Variants in GLIS1 observed in about 807,000 individuals in gnomAD.
GLIS1 encodes zinc finger protein GLIS1.
A neutral mutation model predicts 63.8 loss-of-function variants in GLIS1; 24 were observed. The ratio of observed to expected loss-of-function variants is 0.38; its 90% confidence interval spans 0.27 to 0.53. The LOEUF is 0.53. Ranked by LOEUF, GLIS1 falls within the 20% of genes least tolerant of loss-of-function variation. GLIS1 has a pLI of 0.85. For synonymous variants in GLIS1, 450 were observed against 482.5 expected, an observed-to-expected ratio of 0.93 and a Z score of 0.88; for missense variants, 1,036 against 1,074.1, an observed-to-expected ratio of 0.96 and a Z score of 0.50.
At chr1:53,695,382 G>A (rs1646454054) in intron 2 of GLIS1, among the ~76,000 whole-genome samples, 1 of 152,184 alleles carries the variant, frequency 6.6e-6, no homozygotes, top group South Asian at 2.1e-4. Context: ...AGAAGCAGAG[G>A]TCAAGGGGAG....
At chr1:53,585,611 G>C (rs1012522758) in intron 4 of GLIS1, among the ~76,000 whole-genome samples, 1 of 152,070 alleles carries the variant, frequency 6.6e-6, no homozygotes, top group African/African-American at 2.4e-5. Context: ...AGGGAAGGAG[G>C]GCATCCAGCA....
chr1:53,681,362 C>A (rs1036783592), intron 2 of GLIS1, among the ~76,000 whole-genome samples: 1 of 152,228 alleles, frequency 6.6e-6, no homozygotes, highest in African/African-American at 2.4e-5. Context: ...AGGGCCTCAT[C>A]ATCTGCTGCC....
chr1:53,538,611 G>A (rs1407335710), intron 4 of GLIS1, among the ~76,000 whole-genome samples: 1 of 152,164 alleles, frequency 6.6e-6, no homozygotes, highest in Non-Finnish European at 1.5e-5. Flanking sequence ...TTCATAAGCA[G>A]CTGGCAGGCC....
At chr1:53,669,416 T>G (rs1646128360) in intron 2 of GLIS1, among the ~76,000 whole-genome samples, 1 of 149,494 alleles carries the variant, frequency 6.7e-6, no homozygotes, top group Non-Finnish European at 1.5e-5. Context: ...GAGGGAGAAA[T>G]GAAAGAAAGG....
intron 5 of GLIS1, among the ~76,000 whole-genome samples, chr1:53,528,861 T>C (rs1211378713): frequency 6.6e-6 from 1 of 152,042 alleles, no homozygotes; most frequent in Non-Finnish European, 1.5e-5. Context: ...GAAACCAGCC[T>C]GGGGCCCGGA....
chr1:53,726,744 T>G (rs1223716248), intron 2 of GLIS1, among the ~76,000 whole-genome samples: 1 of 151,956 alleles, frequency 6.6e-6, no homozygotes, highest in Admixed American at 6.5e-5. Context: ...GAAACCACTA[T>G]GCCCACCAGC....
intron 4 of GLIS1, among the ~76,000 whole-genome samples, chr1:53,579,782 G>A (rs1645067615): frequency 1.3e-5 from 2 of 152,226 alleles, no homozygotes; most frequent in South Asian, 4.1e-4. Context: ...GGCTCAGAGG[G>A]AGAGGTGCAC....
chr1:53,614,951 A>C (rs1474694757), intron 2 of GLIS1, among the ~76,000 whole-genome samples: 1 of 152,036 alleles, frequency 6.6e-6, no homozygotes, highest in Admixed American at 6.6e-5. Context: ...CTGTAAATTT[A>C]CTGTACATAA....
intron 2 of GLIS1, among the ~76,000 whole-genome samples, chr1:53,709,811 C>A (rs964505917): frequency 6.6e-6 from 1 of 151,972 alleles, no homozygotes; most frequent in African/African-American, 2.4e-5. Flanking sequence ...TGCTCAGTGA[C>A]TGGGTGGGTG....
chr1:53,568,413 T>C (rs933860243), intron 4 of GLIS1, among the ~76,000 whole-genome samples: 2 of 152,234 alleles, frequency 1.3e-5, no homozygotes, highest in African/African-American at 4.8e-5. Flanking sequence ...TTGTCTTGTC[T>C]CAGATGAGAC....
intron 4 of GLIS1, among the ~76,000 whole-genome samples, chr1:53,535,606 A>T (rs547261416): frequency 6.6e-6 from 1 of 151,986 alleles, no homozygotes; most frequent in African/African-American, 2.4e-5. Flanking sequence ...CCTGCATCCA[A>T]CTAGTCACCA....
Position 53,520,728 on chromosome 1 carries a change from G to T in GLIS1, c.1632C>A (p.Thr544=), listed in dbSNP as rs137982477. The T allele has an allele frequency of 3.7e-6, 6 of 1,607,258 alleles. No individual in the cohort carries two copies. Among genetic ancestry groups the T allele is most frequent in the Non-Finnish European group, 5.1e-6 (6 of 1,177,436 alleles). ...GGAGCTGCTGCAGGACCAGACACTC[G>T]GTCAGGACGTCGGCCTCGGTGTCAG... ...AGPDTEADVL[T]ECLVLQQLHT... The change falls in exon 7 of 11, where the codon ACC becomes ACA. Residue 544 remains threonine, a synonymous_variant. Transcript: ENST00000628545.
At chr1:53,514,598 G>A (rs1361913785) in intron 8 of GLIS1, 27 bp downstream of exon 8, 1 of 1,604,096 alleles carries the variant, frequency 6.2e-7, no homozygotes, top group Non-Finnish European at 8.5e-7. Context: ...TGTTGCCCCT[G>A]GAGGAGGACT....
intron 4 of GLIS1, among the ~76,000 whole-genome samples, chr1:53,569,798 GAACA>G (rs539625341): frequency 1.6e-3 from 244 of 151,262 alleles, no homozygotes; most frequent in Non-Finnish European, 2.6e-3. Context: ...TATTCACCAG[GAACA>G]AATAAAAAAG....
intron 4 of GLIS1, among the ~76,000 whole-genome samples, chr1:53,533,013 C>T (rs567284896): frequency 3.6e-4 from 55 of 152,380 alleles, no homozygotes; most frequent in African/African-American, 1.2e-3. Flanking sequence ...ACGCTCCACG[C>T]GTGATCTGCA....
chr1:53,643,648 G>A lies in GLIS1; in HGVS notation c.260-43370C>T, dbSNP rs557347322. ...TAGCTATGTGACTTGGGCAAGTTAT[G>A]GAAGCTCTCTCTGCCTCACTTTCCA... On this transcript the variant is annotated intron_variant, in intron 2 of 10. Coordinates refer to ENST00000628545, the MANE Select transcript of GLIS1 (RefSeq NM_001367484.1). Among the ~76,000 whole-genome samples the A allele has an allele frequency of 3.9e-5, 6 of 152,300 alleles. No homozygotes were observed. The East Asian group carries it at 9.6e-4, about 24-fold the overall frequency.
intron 2 of GLIS1, among the ~76,000 whole-genome samples, chr1:53,683,922 C>A (rs907014422): frequency 6.6e-6 from 1 of 152,122 alleles, no homozygotes; most frequent in Non-Finnish European, 1.5e-5. Flanking sequence ...TGACCCACCC[C>A]GCCTGCCAGA....
chr1:53,680,484 C>T (rs747571248), intron 2 of GLIS1, among the ~76,000 whole-genome samples: 4 of 152,198 alleles, frequency 2.6e-5, no homozygotes, highest in Non-Finnish European at 5.9e-5. Flanking sequence ...GATACTTAAC[C>T]TCTCTGAGCC....
intron 2 of GLIS1, among the ~76,000 whole-genome samples, chr1:53,603,204 A>C (rs1471165094): frequency 6.6e-6 from 1 of 152,200 alleles, no homozygotes. Context: ...CTCAAGTCAT[A>C]GTATGGTGCC....
Sources: gnomAD v4.1 joint callset for allele counts (sites outside exome capture counted in the v4.1 genomes callset) on GRCh38, gnomAD v4.1.1 for gene constraint, MANE v1.5 for transcripts, NCBI Gene and HGNC (gene_info 2026-07-23, HGNC 2026-07-21) for gene names.